CACNA1C: variants seen among roughly 807,000 people sequenced by gnomAD.
CACNA1C encodes the protein calcium voltage-gated channel subunit alpha1 C, also known as voltage-dependent L-type calcium channel subunit alpha-1C.
In CACNA1C, 30 loss-of-function variants were observed where a neutral mutation model predicts 229.0. The ratio of observed to expected loss-of-function variants is 0.13; its 90% CI spans 0.10 to 0.18. The LOEUF is 0.18. CACNA1C is among the 10% of genes least tolerant of loss of function. The probability of loss-of-function intolerance (pLI) is 1.00; values close to 1 mark genes in which losing one functional copy is unlikely to be tolerated. For synonymous variants in CACNA1C, 1,114 were observed against 1,132.5 expected, an observed-to-expected ratio of 0.98 and a Z score of 0.33; for missense variants, 1,658 against 2,845.0, an observed-to-expected ratio of 0.58 and a Z score of 9.49.
intron 39 of CACNA1C, among the ~76,000 whole-genome samples, chr12:2,675,419 G>C (rs2096756199): frequency 6.6e-6 from 1 of 152,066 alleles, no homozygotes; most frequent in African/African-American, 2.4e-5. Context: ...TTTGAAATAA[G>C]GGGTAAATCA....
At chr12:2,438,013 G>A (rs1250938235) in intron 3 of CACNA1C, among the ~76,000 whole-genome samples, 1 of 148,952 alleles carries the variant, frequency 6.7e-6, no homozygotes, top group Non-Finnish European at 1.5e-5. Context: ...GGTAATGGTA[G>A]CGGTATGATG....
intron 1 of CACNA1C, among the ~76,000 whole-genome samples, chr12:1,984,231 C>T (rs111770675): frequency 0.027 from 4,137 of 152,174 alleles, 95 homozygotes; most frequent in Middle Eastern, 0.054. Flanking sequence ...TGTAACGTAA[C>T]TACCGATATG....
chr12:1,994,853 C>G (rs1414806120), intron 1 of CACNA1C, among the ~76,000 whole-genome samples: 1 of 152,174 alleles, frequency 6.6e-6, no homozygotes, highest in African/African-American at 2.4e-5. Context: ...AAAGCAACTT[C>G]TGTAAGAGAA....
chr12:2,592,576 C>G (rs1447530276), intron 18 of CACNA1C, among the ~76,000 whole-genome samples: 1 of 152,214 alleles, frequency 6.6e-6, no homozygotes, highest in Non-Finnish European at 1.5e-5. Flanking sequence ...TGACTTTGGT[C>G]CACATTAAAT....
chr12:2,298,445 C>T (rs763258735), intron 3 of CACNA1C, among the ~76,000 whole-genome samples: 2 of 150,032 alleles, frequency 1.3e-5, no homozygotes, highest in South Asian at 2.1e-4. Flanking sequence ...ATTACAGGCA[C>T]GCACCACCAC....
chr12:2,039,692 C>T lies in CACNA1C; in HGVS notation c.139+68491C>T, dbSNP rs538346757. Reference sequence around the variant, plus strand: ...AACACAGAGGAAGAAGAACTTGACCCGGGACTCTTGAGCTGAGTCTTAAAG... The same window carrying T: ...AACACAGAGGAAGAAGAACTTGACCTGGGACTCTTGAGCTGAGTCTTAAAG... On this transcript the variant is annotated intron_variant, in intron 1 of 46. Coordinates refer to the CACNA1C transcript ENST00000682462. Among the ~76,000 whole-genome samples the T allele has an allele frequency of 3.4e-4, 51 of 152,208 alleles. 1 individual carries two copies. The East Asian group carries it at 3.7e-3, about 11-fold the overall frequency.
chr12:2,553,702 T>C (rs1039133536), intron 10 of CACNA1C, among the ~76,000 whole-genome samples: 1 of 152,024 alleles, frequency 6.6e-6, no homozygotes, highest in Admixed American at 6.6e-5. Flanking sequence ...GTGGAGTCTG[T>C]GTGGTATCGC....
Position 2,109,381 on chromosome 12 carries a change from G to A in CACNA1C, c.50-5843G>A, listed in dbSNP as rs188632568. The stretch of plus-strand genomic sequence containing the variant: ...GATCACCTGAGCCCAAACCTGAAAC[G>A]TGAGAAGGGATTGCCTAGCAAAGGG... On this transcript the variant is annotated intron_variant, in intron 1 of 46. Coordinates refer to ENST00000399655, the MANE Select transcript of CACNA1C (RefSeq NM_000719.7). Among the ~76,000 whole-genome samples the A allele has an allele frequency of 2.5e-3, 378 of 152,324 alleles. 1 individual carries two copies. Among genetic ancestry groups the A allele is most frequent in the African/African-American group, 8.7e-3 (360 of 41,582 alleles).
At chr12:2,005,142 A>G (rs1379759084) in intron 1 of CACNA1C, among the ~76,000 whole-genome samples, 2 of 140,926 alleles carry the variant, frequency 1.4e-5, no homozygotes, top group Admixed American at 1.4e-4. Flanking sequence ...TCTCAGTTAC[A>G]AAAGAAAAAA....
intron 11 of CACNA1C, among the ~76,000 whole-genome samples, chr12:2,565,970 G>A (rs900488325): frequency 1.3e-5 from 2 of 152,198 alleles, no homozygotes; most frequent in African/African-American, 4.8e-5. Flanking sequence ...TGCGTGCTTT[G>A]CAGAGTTACT....
chr12:2,634,596 CT>C (rs1457475603), intron 30 of CACNA1C, among the ~76,000 whole-genome samples: 2 of 150,768 alleles, frequency 1.3e-5, no homozygotes, highest in African/African-American at 4.9e-5. Flanking sequence ...AGGCCTTCCC[CT>C]TTTCTGTTAA....
At chr12:2,550,122 A>C in intron 10 of CACNA1C, 89 bp downstream of exon 10, 1 of 928,504 alleles carries the variant, frequency 1.1e-6, no homozygotes, top group Non-Finnish European at 1.7e-6. Context: ...GGGCTGGCTC[A>C]TCACTAGGAA....
In CACNA1C at chr12:2,504,367, C is replaced by T. The variant is rs1481317191; in HGVS notation, c.1114-475C>T. The T allele has an allele frequency of 4.6e-6, 4 of 873,326 alleles. No homozygotes were observed. In the Admixed American group the frequency reaches 5.2e-5, roughly 11 times the overall value. The allele number at this position is 873,326 out of a possible 1,614,324, so 54.1% of individuals were successfully genotyped here. ...TCTGTCCCCTCCCAATCTGCTCACACCTGCTGCCTGCCTCTTTGCTGTAAC... is the reference window on the plus strand; with the variant it reads ...TCTGTCCCCTCCCAATCTGCTCACATCTGCTGCCTGCCTCTTTGCTGTAAC... On this transcript the variant is annotated intron_variant, in intron 7 of 46. Transcript: ENST00000399655. This position sits in a 1 kb window ranked among gnomAD's most constrained non-coding sequence, Gnocchi z 6.8.
chr12:2,654,013 G>A lies in CACNA1C; in HGVS notation c.4140+113G>A. 1.2e-6 allele frequency: 1 copy of A among 836,004 alleles called. No homozygotes were observed. Among genetic ancestry groups the A allele is most frequent in the Non-Finnish European group, 1.9e-6 (1 of 520,258 alleles). 51.8% of individuals were successfully genotyped at this position (836,004 alleles called of 1,614,324 possible). A position where few individuals can be genotyped will look rare whatever the true frequency, so the allele number is the denominator to read the frequency against. On this transcript the variant is annotated intron_variant, in intron 33 of 46. Coordinates refer to ENST00000399655, the MANE Select transcript of CACNA1C (RefSeq NM_000719.7). This position sits in a 1 kb window ranked among gnomAD's most constrained non-coding sequence, Gnocchi z 4.4. ...TCCCTTCTCCCTTTCATTCCTGACTGTCCCTCTCCCTCCTCTTCCATTTTC... is the reference window on the plus strand; with the variant it reads ...TCCCTTCTCCCTTTCATTCCTGACTATCCCTCTCCCTCCTCTTCCATTTTC...
chr12:2,048,749 C>G (rs1245554353), upstream of CACNA1C: 1 of 152,272 alleles, frequency 6.6e-6, no homozygotes, highest in Admixed American at 6.5e-5. Context: ...TTGTCCCTGG[C>G]TAGGCAGTGG....
At chr12:2,008,495 G>T (rs1386390677) in intron 1 of CACNA1C, among the ~76,000 whole-genome samples, 1 of 152,106 alleles carries the variant, frequency 6.6e-6, no homozygotes, top group African/African-American at 2.4e-5. Context: ...CCTAGCACTT[G>T]GTCCAATGCC....
At chr12:1,990,040 C>T (rs2038954551) in intron 1 of CACNA1C, among the ~76,000 whole-genome samples, 1 of 152,156 alleles carries the variant, frequency 6.6e-6, no homozygotes, top group Non-Finnish European at 1.5e-5. Context: ...GGCTCAAATG[C>T]ATTATTTACT....
At chr12:2,119,776 CTG>C (rs1477480312) in intron 2 of CACNA1C, among the ~76,000 whole-genome samples, 1 of 152,264 alleles carries the variant, frequency 6.6e-6, no homozygotes, top group Non-Finnish European at 1.5e-5. Context: ...TTCAGGATCT[CTG>C]GAACCTGCCA....
intron 3 of CACNA1C, among the ~76,000 whole-genome samples, chr12:2,393,241 A>G (rs561864563): frequency 1.3e-5 from 2 of 152,284 alleles, no homozygotes; most frequent in South Asian, 4.1e-4. Context: ...CAAACCAAGC[A>G]GAAAATGCAG....
Sources: gnomAD v4.1 joint callset for allele counts (sites outside exome capture counted in the v4.1 genomes callset) on GRCh38, gnomAD v4.1.1 for gene constraint, Gnocchi (gnomAD v3.1) non-coding constraint, MANE v1.5 for transcripts, NCBI Gene and HGNC (gene_info 2026-07-23, HGNC 2026-07-21) for gene names.